The following PID1 variants were observed in gnomAD, a reference collection of about 807,000 sequenced individuals.
PID1 encodes phosphotyrosine interaction domain containing 1.
PID1 carries 10 observed loss-of-function variants against 19.1 expected under a neutral mutation model. The observed-to-expected ratio is 0.52, with a 90% CI of 0.32 to 0.89. The LOEUF (loss-of-function observed/expected upper bound fraction) is 0.89, where lower values mean the gene tolerates loss of function less well. Ranked by LOEUF, PID1 falls within the 40% of genes least tolerant of loss-of-function variation. The pLI, the probability that PID1 is intolerant of heterozygous loss-of-function variation, is 0.03. For missense variants in PID1, 248 were observed against 285.3 expected (o/e 0.87, Z 0.94); for synonymous variants, 130 against 116.0 (o/e 1.12, Z -0.78).
rs569865818 is a variant in PID1 at position 229,243,830 on chromosome 2, G to A, written c.30+27184C>T. Among the ~76,000 whole-genome samples, 253 of 151,698 alleles carry A rather than the reference G, an allele frequency of 1.7e-3. 3 individuals carry two copies. Among genetic ancestry groups the A allele is most frequent in the African/African-American group, 5.9e-3 (244 of 41,338 alleles). On this transcript the variant is annotated intron_variant, in intron 1 of 2. Coordinates refer to ENST00000392055, the MANE Select transcript of PID1 (RefSeq NM_001100818.2). ...TGAAACTCATGTATTTTTACACAAAGTTACATCTACACCATTCAAAGCCCA... is the reference window on the plus strand; with the variant it reads ...TGAAACTCATGTATTTTTACACAAAATTACATCTACACCATTCAAAGCCCA...
chr2:229,271,085 T>C lies in PID1; in HGVS notation c.-42A>G, dbSNP rs1438494366. The C allele has an allele frequency of 6.5e-7, 1 of 1,536,954 alleles. No homozygotes were observed. The highest frequency in any genetic ancestry group is 8.8e-7 in the Non-Finnish European group (1 of 1,140,754). Reference sequence around the variant, plus strand: ...TTGGCAGAGGAGACGCTGGCGAGACTGTCGATCGCGCCGGGGGGCGAGGGG... The same window carrying C: ...TTGGCAGAGGAGACGCTGGCGAGACCGTCGATCGCGCCGGGGGGCGAGGGG... On this transcript the variant is annotated 5_prime_UTR_variant, in exon 1 of 3. Coordinates refer to ENST00000392055, the MANE Select transcript of PID1 (RefSeq NM_001100818.2).
chr2:229,077,853 G>T (rs1292258113), intron 2 of PID1, among the ~76,000 whole-genome samples: 2 of 152,162 alleles, frequency 1.3e-5, no homozygotes, highest in Non-Finnish European at 2.9e-5. Context: ...GCTTAGGATT[G>T]TCTTGGCTAT....
chr2:229,030,483 T>C (rs948299298), intron 2 of PID1, among the ~76,000 whole-genome samples: 1 of 152,238 alleles, frequency 6.6e-6, no homozygotes, highest in East Asian at 1.9e-4. Flanking sequence ...AAATTAACTT[T>C]AGTGCCTGAA....
intron 2 of PID1, among the ~76,000 whole-genome samples, chr2:229,101,245 C>T (rs1161580118): frequency 6.6e-6 from 1 of 151,984 alleles, no homozygotes; most frequent in Non-Finnish European, 1.5e-5. Context: ...TTTTAAGTAC[C>T]AGGGTACATG....
At chr2:229,107,723 C>T (rs1266728080) in intron 2 of PID1, among the ~76,000 whole-genome samples, 1 of 152,112 alleles carries the variant, frequency 6.6e-6, no homozygotes, top group African/African-American at 2.4e-5. Flanking sequence ...AAGTCTTACC[C>T]ACTGAAAATA....
intron 1 of PID1, among the ~76,000 whole-genome samples, chr2:229,171,423 G>A (rs943749593): frequency 2.0e-5 from 3 of 152,124 alleles, no homozygotes; most frequent in African/African-American, 7.2e-5. Flanking sequence ...TTATCTTTAG[G>A]AAGGTTAAAC....
At chr2:229,113,034 G>A (rs1695330486) in intron 2 of PID1, among the ~76,000 whole-genome samples, 1 of 152,136 alleles carries the variant, frequency 6.6e-6, no homozygotes, top group Admixed American at 6.5e-5. Context: ...ATTCCCAGCA[G>A]ACTCTATGTG....
At position 229,156,009 on chromosome 2, in the gene PID1, C is replaced by A. The variant is rs760966116; in HGVS notation, c.31-45G>T. ...GCCACATGTAGTTTAATCACTTGGA[C>A]TTTTATGTCCTGCAATTGTACATTA... On this transcript the variant is annotated intron_variant, in intron 1 of 2. Coordinates refer to ENST00000392055, the MANE Select transcript of PID1 (RefSeq NM_001100818.2). 3.2e-6 allele frequency: 5 copies of A among 1,573,322 alleles called. No individual in the cohort carries two copies. In the African/African-American group the frequency reaches 6.8e-5, roughly 21 times the overall value.
At chr2:229,262,450 T>G (rs1249441317) in intron 1 of PID1, among the ~76,000 whole-genome samples, 2 of 152,204 alleles carry the variant, frequency 1.3e-5, no homozygotes, top group East Asian at 1.9e-4. Flanking sequence ...TTTTCATTTT[T>G]TTTTTAATCC....
intron 1 of PID1, among the ~76,000 whole-genome samples, chr2:229,232,291 G>A (rs911214985): frequency 2.6e-5 from 4 of 151,716 alleles, no homozygotes; most frequent in Non-Finnish European, 4.4e-5. Flanking sequence ...AATTAGCTGG[G>A]TGTGGTGACG....
intron 1 of PID1, among the ~76,000 whole-genome samples, chr2:229,197,627 G>A (rs186199505): frequency 1.6e-4 from 24 of 152,004 alleles, no homozygotes; most frequent in East Asian, 1.9e-4. Flanking sequence ...CATGTTTAGT[G>A]TTCTACATTG....
chr2:229,061,998 T>G (rs1694222112), intron 2 of PID1, among the ~76,000 whole-genome samples: 1 of 151,998 alleles, frequency 6.6e-6, no homozygotes, highest in East Asian at 1.9e-4. Context: ...TTGGTGGAAT[T>G]GTCAGGGTTT....
chr2:229,146,258 A>C (rs994962993), intron 2 of PID1, among the ~76,000 whole-genome samples: 3 of 152,142 alleles, frequency 2.0e-5, no homozygotes, highest in African/African-American at 7.2e-5. Context: ...GTTCTCACTC[A>C]TAAGTGGGAG....
intron 2 of PID1, among the ~76,000 whole-genome samples, chr2:229,042,133 G>T (rs1254732091): frequency 3.3e-5 from 5 of 152,040 alleles, no homozygotes; most frequent in African/African-American, 1.2e-4. Context: ...TCTACATTTT[G>T]CTATCAAACA....
chr2:229,207,617 T>C (rs1304003182), intron 1 of PID1, among the ~76,000 whole-genome samples: 1 of 151,494 alleles, frequency 6.6e-6, no homozygotes, highest in East Asian at 1.9e-4. Flanking sequence ...GGTTCTCAGA[T>C]GCAGACGGTC....
intron 1 of PID1, among the ~76,000 whole-genome samples, chr2:229,164,704 G>A (rs1184993602): frequency 6.6e-6 from 1 of 152,176 alleles, no homozygotes; most frequent in Non-Finnish European, 1.5e-5. Context: ...AGTGGCCCCT[G>A]AGAGATGTGA....
At chr2:229,121,175 C>G (rs1695510528) in intron 2 of PID1, among the ~76,000 whole-genome samples, 1 of 152,062 alleles carries the variant, frequency 6.6e-6, no homozygotes, top group East Asian at 1.9e-4. Flanking sequence ...CTGGAGAACC[C>G]TGAGAAACAC....
chr2:229,258,359 T>A lies in PID1; in HGVS notation c.30+12655A>T, dbSNP rs138978107. 1.7e-3 allele frequency among the ~76,000 whole-genome samples: 258 copies of A among 152,232 alleles called. 3 individuals are homozygous for A. Among genetic ancestry groups the A allele is most frequent in the African/African-American group, 5.9e-3 (245 of 41,538 alleles). On this transcript the variant is annotated intron_variant, in intron 1 of 2. Coordinates refer to ENST00000392055, the MANE Select transcript of PID1 (RefSeq NM_001100818.2). Reference sequence around the variant, plus strand: ...GAAAAATGTCATTTCAAGAACTAAATGAAGAAATGTTTTAAAAGAAGAGAA... The same window carrying A: ...GAAAAATGTCATTTCAAGAACTAAAAGAAGAAATGTTTTAAAAGAAGAGAA...
At chr2:229,139,867 C>A (rs535726153) in intron 2 of PID1, among the ~76,000 whole-genome samples, 1 of 152,296 alleles carries the variant, frequency 6.6e-6, no homozygotes, top group South Asian at 2.1e-4. Context: ...GCTCCTACAC[C>A]TGTTTGCTAA....
Sources: gnomAD v4.1 joint callset for allele counts (sites outside exome capture counted in the v4.1 genomes callset) on GRCh38, gnomAD v4.1.1 for gene constraint, MANE v1.5 for transcripts, NCBI Gene and HGNC (gene_info 2026-07-23, HGNC 2026-07-21) for gene names.